ENTREP2: variants seen among roughly 807,000 people sequenced by gnomAD.
ENTREP2 encodes the protein protein ENTREP2.
At chr15:29,351,627 T>C in the ENTREP2 span, among the ~76,000 whole-genome samples, 1 of 152,170 alleles carries the variant, frequency 6.6e-6, no homozygotes, top group Non-Finnish European at 1.5e-5. Flanking sequence ...GTTCTAACTA[T>C]TTCATATGAA....
the ENTREP2 span, among the ~76,000 whole-genome samples, chr15:29,441,089 T>C: frequency 6.6e-6 from 1 of 152,132 alleles, no homozygotes; most frequent in African/African-American, 2.4e-5. Context: ...AATGCGTGCA[T>C]TGATAAAATG....
the ENTREP2 span, among the ~76,000 whole-genome samples, chr15:29,211,907 T>C: frequency 6.6e-6 from 1 of 152,244 alleles, no homozygotes. Context: ...TTAGCATCTA[T>C]GTTCATCAAG....
the ENTREP2 span, among the ~76,000 whole-genome samples, chr15:29,343,030 G>GA: frequency 2.7e-5 from 4 of 148,892 alleles, no homozygotes; most frequent in African/African-American, 9.7e-5. Context: ...AAAGGAATGG[G>GA]GGGGGTGGTT....
At chr15:29,488,528 A>G in the ENTREP2 span, among the ~76,000 whole-genome samples, 3 of 152,154 alleles carry the variant, frequency 2.0e-5, no homozygotes, top group Non-Finnish European at 2.9e-5. Flanking sequence ...AAAACTTACC[A>G]TACCTGATAA....
chr15:29,510,442 A>G, the ENTREP2 span, among the ~76,000 whole-genome samples: 2 of 152,228 alleles, frequency 1.3e-5, no homozygotes, highest in Non-Finnish European at 2.9e-5. Flanking sequence ...ATAAAGACAC[A>G]TGCACATGTA....
the ENTREP2 span, among the ~76,000 whole-genome samples, chr15:29,308,566 T>C: frequency 6.6e-6 from 1 of 152,124 alleles, no homozygotes; most frequent in East Asian, 1.9e-4. Context: ...CTCACTGCAT[T>C]TCCTCCCACC....
chr15:29,612,429 C>A, the ENTREP2 span: 1 of 152,136 alleles, frequency 6.6e-6, no homozygotes, highest in Admixed American at 6.6e-5. Flanking sequence ...CCTCTTAGAA[C>A]CTTCCCACCA....
the ENTREP2 span, among the ~76,000 whole-genome samples, chr15:29,341,289 T>C: frequency 3.9e-5 from 6 of 152,242 alleles, no homozygotes; most frequent in Non-Finnish European, 5.9e-5. Context: ...GCTTATACCT[T>C]TGTTCACTGC....
At chr15:29,258,212 C>CAAAAA in the ENTREP2 span, among the ~76,000 whole-genome samples, 36 of 118,264 alleles carry the variant, frequency 3.0e-4, no homozygotes, top group African/African-American at 6.8e-4. Flanking sequence ...GGCTCAGTCT[C>CAAAAA]AAAAAAAAAA....
At chr15:29,398,956 T>C in the ENTREP2 span, among the ~76,000 whole-genome samples, 2 of 152,178 alleles carry the variant, frequency 1.3e-5, no homozygotes, top group Non-Finnish European at 2.9e-5. Context: ...GGAAGTTCTC[T>C]TGGGTGTGCC....
At chr15:29,145,223 A>G in the ENTREP2 span, among the ~76,000 whole-genome samples, 12 of 152,218 alleles carry the variant, frequency 7.9e-5, no homozygotes, top group Non-Finnish European at 1.6e-4. Context: ...AGAAAAATCA[A>G]TCTGTGTAAT....
chr15:29,424,258 C>T, the ENTREP2 span, among the ~76,000 whole-genome samples: 1 of 152,008 alleles, frequency 6.6e-6, no homozygotes, highest in Admixed American at 6.6e-5. Flanking sequence ...CCATGGGGCT[C>T]CCACCGCTGA....
chr15:29,484,043 T>C, the ENTREP2 span, among the ~76,000 whole-genome samples: 2 of 152,184 alleles, frequency 1.3e-5, no homozygotes, highest in Admixed American at 6.5e-5. Context: ...GGTAGACATG[T>C]GCAACCCAGG....
the ENTREP2 span, among the ~76,000 whole-genome samples, chr15:29,654,519 T>C: frequency 6.6e-6 from 1 of 152,150 alleles, no homozygotes; most frequent in South Asian, 2.1e-4. Context: ...TAATAAGAAC[T>C]TACATGAATT....
the ENTREP2 span, among the ~76,000 whole-genome samples, chr15:29,611,811 C>T: frequency 3.2e-3 from 491 of 152,302 alleles, no homozygotes; most frequent in African/African-American, 5.2e-3. Flanking sequence ...GTACAGGAAT[C>T]GCATCATTCA....
At chr15:29,364,255 T>G in the ENTREP2 span, among the ~76,000 whole-genome samples, 1 of 152,156 alleles carries the variant, frequency 6.6e-6, no homozygotes, top group Non-Finnish European at 1.5e-5. Context: ...TTTGGTTATA[T>G]TTTAAGGTCT....
chr15:29,158,948 A>G, the ENTREP2 span, among the ~76,000 whole-genome samples: 1 of 150,932 alleles, frequency 6.6e-6, no homozygotes, highest in African/African-American at 2.4e-5. Context: ...ATGGATATTA[A>G]TAATAAGATT....
the ENTREP2 span, among the ~76,000 whole-genome samples, chr15:29,478,023 T>A: frequency 3.9e-4 from 44 of 114,074 alleles, no homozygotes; most frequent in African/African-American, 1.1e-3. Flanking sequence ...ATATATATTT[T>A]TTTTTTTTTT....
the ENTREP2 span, among the ~76,000 whole-genome samples, chr15:29,649,312 G>GCA: frequency 2.6e-5 from 4 of 152,146 alleles, no homozygotes; most frequent in Non-Finnish European, 1.5e-5. Flanking sequence ...CAAAGGAAGT[G>GCA]CACTTTTCTC....
Sources: gnomAD v4.1 joint callset for allele counts (sites outside exome capture counted in the v4.1 genomes callset) on GRCh38, gnomAD v4.1.1 for gene constraint, MANE v1.5 for transcripts, NCBI Gene and HGNC (gene_info 2026-07-23, HGNC 2026-07-21) for gene names.